The following CACNG4 variants were observed in gnomAD, a reference collection of about 807,000 sequenced individuals.
CACNG4 encodes voltage-dependent calcium channel gamma-4 subunit.
A neutral mutation model predicts 22.9 loss-of-function variants in CACNG4; 8 were observed. The observed-to-expected ratio is 0.35, with a 90% CI of 0.21 to 0.63. The LOEUF is 0.63. CACNG4 is among the 30% of genes least tolerant of loss of function. The pLI, the probability that CACNG4 is intolerant of heterozygous loss-of-function variation, is 0.72. For synonymous variants in CACNG4, 188 were observed against 191.9 expected, an observed-to-expected ratio of 0.98 and a Z score of 0.17; for missense variants, 357 against 455.4, an observed-to-expected ratio of 0.78 and a Z score of 1.97.
At chr17:67,004,645 G>T (rs893237637) in intron 1 of CACNG4, among the ~76,000 whole-genome samples, 1 of 152,204 alleles carries the variant, frequency 6.6e-6, no homozygotes, top group African/African-American at 2.4e-5. Context: ...CCCTCCCCCA[G>T]TGAAGGTACA....
rs1300558320 is a variant in CACNG4, at chr17:66,973,503, G to C, written c.220+8372G>C. ...TGGCATGGCTCAGGAGCAGAAAGTGGCTGTGGGGCTGCCTGGCTGGGGCTC... is the reference window on the plus strand; with the variant it reads ...TGGCATGGCTCAGGAGCAGAAAGTGCCTGTGGGGCTGCCTGGCTGGGGCTC... On this transcript the variant is annotated intron_variant, in intron 1 of 3. Coordinates refer to ENST00000262138, the MANE Select transcript of CACNG4 (RefSeq NM_014405.4). 5.3e-5 allele frequency among the ~76,000 whole-genome samples: 8 copies of C among 152,232 alleles called. No homozygotes were observed. In the East Asian group the frequency reaches 1.5e-3, roughly 29 times the overall value.
In CACNG4 at chr17:67,031,652, C is replaced by T. The variant is rs571133601; in HGVS notation, c.*648C>T. On this transcript the variant is annotated 3_prime_UTR_variant, in exon 4 of 4. Coordinates refer to ENST00000262138, the MANE Select transcript of CACNG4 (RefSeq NM_014405.4). The surrounding 1 kb of genome is among the most constrained non-coding windows in gnomAD (Gnocchi z 4.0). Reference sequence around the variant, plus strand: ...CCAGCTTCCCTCGACCTGGGGAGGCCGTGGCCTGTGGAGGAGGCCCAGGTA... The same window carrying T: ...CCAGCTTCCCTCGACCTGGGGAGGCTGTGGCCTGTGGAGGAGGCCCAGGTA... The T allele has an allele frequency of 3.8e-4, 172 of 456,776 alleles. No individual in the cohort carries two copies. Among genetic ancestry groups the T allele is most frequent in the African/African-American group, 1.9e-3 (97 of 50,206 alleles). The allele number at this position is 456,776 out of a possible 1,614,324, so 28.3% of individuals were successfully genotyped here.
intron 1 of CACNG4, among the ~76,000 whole-genome samples, chr17:67,017,142 T>A (rs999232550): frequency 2.0e-5 from 3 of 152,000 alleles, no homozygotes; most frequent in Admixed American, 2.0e-4. Flanking sequence ...AGTGATGTGG[T>A]CTCAGCTCAC....
At chr17:66,983,491 G>A (rs966516964) in intron 1 of CACNG4, among the ~76,000 whole-genome samples, 1 of 152,286 alleles carries the variant, frequency 6.6e-6, no homozygotes, top group Non-Finnish European at 1.5e-5. Context: ...GTGTGTCCCC[G>A]TGGTTGCCAG....
intron 1 of CACNG4, among the ~76,000 whole-genome samples, chr17:66,981,676 C>T (rs546648570): frequency 1.3e-5 from 2 of 152,294 alleles, no homozygotes; most frequent in Non-Finnish European, 2.9e-5. Flanking sequence ...AGGTCCCCTC[C>T]GCCCTAGCTG....
At chr17:67,015,217 G>T (rs996799147) in intron 1 of CACNG4, among the ~76,000 whole-genome samples, 2 of 152,202 alleles carry the variant, frequency 1.3e-5, no homozygotes, top group African/African-American at 4.8e-5. Flanking sequence ...CTACCGATAC[G>T]CATGACAGCT....
At chr17:67,016,570 C>T (rs1006585660) in intron 1 of CACNG4, among the ~76,000 whole-genome samples, 5 of 152,202 alleles carry the variant, frequency 3.3e-5, no homozygotes, top group Admixed American at 2.0e-4. Context: ...CGGACCCTGC[C>T]GCCAGGACTG....
chr17:66,976,906 CCCCT>C lies in CACNG4; in HGVS notation c.220+11778_220+11781del, dbSNP rs538835027. On this transcript the variant is annotated intron_variant, in intron 1 of 3. Coordinates refer to ENST00000262138, the MANE Select transcript of CACNG4 (RefSeq NM_014405.4). ...TGTGGTCTCGCTTGGACAGCACCGC[CCCCT>C]CCGTCTCCAGCCCACTCAGTCACCA... Among the ~76,000 whole-genome samples, 297 of 152,276 alleles carry C rather than the reference CCCCT, an allele frequency of 2.0e-3. 2 individuals are homozygous for C. Among genetic ancestry groups the C allele is most frequent in the Non-Finnish European group, 3.4e-3 (229 of 68,026 alleles).
At chr17:66,965,167 C>CAG (rs2035159376) in intron 1 of CACNG4, 36 bp downstream of exon 1, 1 of 1,093,644 alleles carries the variant, frequency 9.1e-7, no homozygotes, top group African/African-American at 1.8e-5. Context: ...GCCCCACACA[C>CAG]ACACACACAC....
At chr17:67,029,527 A>C (rs1174181876) in intron 3 of CACNG4, among the ~76,000 whole-genome samples, 1 of 151,712 alleles carries the variant, frequency 6.6e-6, no homozygotes, top group African/African-American at 2.4e-5. Flanking sequence ...CCAGCTACTC[A>C]GGAGGCTGAG....
intron 1 of CACNG4, among the ~76,000 whole-genome samples, chr17:66,975,442 G>GA (rs1333404194): frequency 6.6e-6 from 1 of 152,164 alleles, no homozygotes; most frequent in Non-Finnish European, 1.5e-5. Context: ...TAACCTCTCT[G>GA]AACTTTGTTG....
intron 1 of CACNG4, among the ~76,000 whole-genome samples, chr17:67,010,156 A>G (rs1320712557): frequency 6.6e-6 from 1 of 152,092 alleles, no homozygotes; most frequent in South Asian, 2.1e-4. Context: ...CTTGCTCCCC[A>G]GCCAAGCTCT....
intron 1 of CACNG4, among the ~76,000 whole-genome samples, chr17:66,973,913 ACT>A (rs1309399288): frequency 2.6e-5 from 4 of 151,956 alleles, no homozygotes; most frequent in East Asian, 1.9e-4. Flanking sequence ...GCTGCGCGAG[ACT>A]CTCTTTTCTG....
intron 1 of CACNG4, among the ~76,000 whole-genome samples, chr17:66,976,567 C>T (rs2035237752): frequency 6.7e-6 from 1 of 149,728 alleles, no homozygotes; most frequent in Non-Finnish European, 1.5e-5. Flanking sequence ...CTGGTCCCTC[C>T]CTCCCTGCAT....
intron 1 of CACNG4, among the ~76,000 whole-genome samples, chr17:67,015,924 T>C (rs1289053078): frequency 6.6e-6 from 1 of 152,154 alleles, no homozygotes; most frequent in Non-Finnish European, 1.5e-5. Flanking sequence ...GAGCCTGCCA[T>C]GGGAGAGCCA....
intron 1 of CACNG4, 42 bp from the exon 2 acceptor site, chr17:67,018,147 C>A: frequency 1.4e-6 from 2 of 1,467,736 alleles, no homozygotes; most frequent in Non-Finnish European, 1.9e-6. Flanking sequence ...TGAGTGAACC[C>A]AGACAGCATT....
rs1324772933 is a variant in CACNG4 at position 66,965,141 on chromosome 17, G to A, written c.220+10G>A. ...GTGTGCTGCATCGAAGGTACGGCCA[G>A]CCCCGACCCCTCGCCGCCCCACACA... is the stretch of plus-strand genomic sequence containing the variant. On this transcript the variant is annotated intron_variant, in intron 1 of 3. Coordinates refer to ENST00000262138, the MANE Select transcript of CACNG4 (RefSeq NM_014405.4). 5.7e-6 allele frequency: 8 copies of A among 1,407,882 alleles called. No individual in the cohort carries two copies. The highest frequency in any genetic ancestry group is 7.8e-6 in the Non-Finnish European group (8 of 1,031,064). 87.2% of individuals were successfully genotyped at this position (1,407,882 alleles called of 1,614,324 possible).
At chr17:67,024,786 A>G in intron 2 of CACNG4, 74 bp from the exon 3 acceptor site, 1 of 1,386,656 alleles carries the variant, frequency 7.2e-7, no homozygotes, top group African/African-American at 1.5e-5. Context: ...TTCCTGGGAG[A>G]CATACGCAGC....
chr17:67,010,208 C>G (rs910084412), intron 1 of CACNG4, among the ~76,000 whole-genome samples: 4 of 152,194 alleles, frequency 2.6e-5, no homozygotes, highest in African/African-American at 7.2e-5. Flanking sequence ...ACTCGCTGTC[C>G]CAGTGGTGTG....
Sources: allele counts gnomAD v4.1 joint callset (sites outside exome capture counted in the v4.1 genomes callset), GRCh38; gene constraint gnomAD v4.1.1; non-coding constraint Gnocchi (gnomAD v3.1); transcripts MANE v1.5; gene names NCBI Gene and HGNC (gene_info 2026-07-23, HGNC 2026-07-21).